IL31RA: variants seen among roughly 807,000 people sequenced by gnomAD.
IL31RA encodes the protein interleukin 31 receptor A.
Under a neutral mutation model 83.7 loss-of-function variants are expected in IL31RA, and 66 were observed. The ratio of observed to expected loss-of-function variants is 0.79; its 90% CI spans 0.65 to 0.97. IL31RA has a LOEUF of 0.97. Among genes scored for constraint, IL31RA ranks in the 50% least tolerant of loss-of-function variants. IL31RA has a pLI of 0.00. For synonymous variants in IL31RA, 325 were observed against 329.0 expected, an observed-to-expected ratio of 0.99 and a Z score of 0.13; for missense variants, 798 against 919.4, an observed-to-expected ratio of 0.87 and a Z score of 1.71.
chr5:55,866,267 G>C (rs537809702), intron 2 of IL31RA, among the ~76,000 whole-genome samples: 74 of 152,268 alleles, frequency 4.9e-4, no homozygotes, highest in Non-Finnish European at 9.0e-4. Flanking sequence ...CATAGAGTTG[G>C]TGCTTAGTGG....
chr5:55,901,703 C>A (rs1748827915), intron 8 of IL31RA, among the ~76,000 whole-genome samples: 1 of 151,906 alleles, frequency 6.6e-6, no homozygotes, highest in African/African-American at 2.4e-5. Context: ...ACAACCTCCA[C>A]CTCCTAGGTT....
chr5:55,869,037 T>C (rs548233394), intron 3 of IL31RA, 129 bp downstream of exon 3: 1 of 749,044 alleles, frequency 1.3e-6, no homozygotes, highest in Admixed American at 1.8e-5. Context: ...GATTACTGTG[T>C]GCAGCCAGTG....
Position 55,920,632 on chromosome 5 carries a change from G to A in IL31RA, c.*3512G>A, listed in dbSNP as rs1750045370. 6.6e-6 allele frequency among the ~76,000 whole-genome samples: 1 copy of A among 152,156 alleles called. No individual in the cohort carries two copies. Among genetic ancestry groups the A allele is most frequent in the Non-Finnish European group, 1.5e-5 (1 of 68,024 alleles). On this transcript the variant is annotated 3_prime_UTR_variant, in exon 15 of 15. Transcript: ENST00000652347. ...TGACCCTTTGCAGAAAAAATTTGTG[G>A]ACGCCTACCATAACCCACAGACATG...
rs1475587240 is a variant in IL31RA at position 55,921,219 on chromosome 5, C to G, written c.*4099C>G. The stretch of plus-strand genomic sequence containing the variant: ...CAGTAATCCCAAGAGTTTTAAATAG[C>G]AATTATTTGTCATGCTTAATTAACT... On this transcript the variant is annotated 3_prime_UTR_variant, in exon 15 of 15. Transcript: ENST00000652347. 1.3e-5 allele frequency among the ~76,000 whole-genome samples: 2 copies of G among 152,102 alleles called. No homozygotes were observed. The highest frequency in any genetic ancestry group is 1.5e-5 in the Non-Finnish European group (1 of 68,032).
At chr5:55,868,562 T>C (rs1398288230) in intron 2 of IL31RA, among the ~76,000 whole-genome samples, 4 of 152,176 alleles carry the variant, frequency 2.6e-5, no homozygotes, top group Non-Finnish European at 2.9e-5. Flanking sequence ...AGTAAGAATG[T>C]AAAAAGGGAT....
chr5:55,879,220 G>A lies in IL31RA; in HGVS notation c.455-3824G>A, dbSNP rs529600269. ...TCTGTTCTCTTTAGTTGGTAGAAGG[G>A]AAATAGGACCTGAGATGCCACCTTC... On this transcript the variant is annotated intron_variant, in intron 4 of 14. Transcript: ENST00000652347. 3.3e-5 allele frequency among the ~76,000 whole-genome samples: 5 copies of A among 152,068 alleles called. No homozygotes were observed. In the East Asian group the frequency reaches 9.7e-4, roughly 29 times the overall value.
At chr5:55,855,791 C>A (rs1745324271) in intron 1 of IL31RA, among the ~76,000 whole-genome samples, 1 of 152,218 alleles carries the variant, frequency 6.6e-6, no homozygotes. Flanking sequence ...GTGTTCCCAG[C>A]CACTGCTGGT....
At chr5:55,848,415 C>A (rs1238486079), upstream of IL31RA, among the ~76,000 whole-genome samples, 3 of 152,124 alleles carry the variant, frequency 2.0e-5, no homozygotes, top group Admixed American at 6.5e-5. Context: ...GCTGGAAGTT[C>A]TTTCAGATTG....
chr5:55,858,966 C>T (rs1227542241), intron 1 of IL31RA, among the ~76,000 whole-genome samples: 1 of 152,132 alleles, frequency 6.6e-6, no homozygotes, highest in Non-Finnish European at 1.5e-5. Flanking sequence ...TATAGTGGGG[C>T]ATGGGGCACA....
At chr5:55,913,669 G>A in intron 13 of IL31RA, 99 bp downstream of exon 13, 1 of 787,462 alleles carries the variant, frequency 1.3e-6, no homozygotes. Context: ...CTACCATTAA[G>A]GGGTGTTCAT....
intron 8 of IL31RA, 38 bp downstream of exon 8, chr5:55,900,170 C>T: frequency 6.9e-7 from 1 of 1,449,412 alleles, no homozygotes; most frequent in Non-Finnish European, 9.7e-7. Flanking sequence ...GGTGCCTGGT[C>T]CCATCAATTG....
chr5:55,852,632 G>A (rs1379447289), intron 1 of IL31RA, among the ~76,000 whole-genome samples: 1 of 152,130 alleles, frequency 6.6e-6, no homozygotes, highest in Non-Finnish European at 1.5e-5. Context: ...TTAAAACTTA[G>A]TTTTCTTTCC....
At chr5:55,841,082 A>G in the IL31RA span, among the ~76,000 whole-genome samples, 1 of 152,156 alleles carries the variant, frequency 6.6e-6, no homozygotes. Flanking sequence ...GGGGATGTAA[A>G]TGGTTGTCAG....
chr5:55,879,425 CTTTTTTTTTTT>C (rs869152529), intron 4 of IL31RA, among the ~76,000 whole-genome samples: 3 of 45,800 alleles, frequency 6.6e-5, no homozygotes, highest in Non-Finnish European at 1.1e-4. Flanking sequence ...AGTTTCTGTC[CTTTTTTTTTTT>C]TTTTTTTTTT....
At chr5:55,842,207 GTCTC>G in the IL31RA span, among the ~76,000 whole-genome samples, 2 of 152,146 alleles carry the variant, frequency 1.3e-5, no homozygotes, top group Non-Finnish European at 2.9e-5. Context: ...CTCTGTGTCT[GTCTC>G]TTCTGTTTCT....
chr5:55,863,969 C>T (rs1311846252), intron 2 of IL31RA, among the ~76,000 whole-genome samples: 2 of 151,878 alleles, frequency 1.3e-5, no homozygotes, highest in African/African-American at 4.8e-5. Flanking sequence ...TTTAGATCCA[C>T]AAGGATCTAT....
the IL31RA span, among the ~76,000 whole-genome samples, chr5:55,845,479 G>A: frequency 2.2e-5 from 3 of 138,388 alleles, no homozygotes; most frequent in Admixed American, 1.4e-4. Flanking sequence ...CCAAAATCTC[G>A]TCTTGAATTG....
the IL31RA span, among the ~76,000 whole-genome samples, chr5:55,842,163 T>G: frequency 1.3e-5 from 2 of 152,196 alleles, no homozygotes; most frequent in African/African-American, 4.8e-5. Context: ...ATCATGCCAA[T>G]CTCTACTTAG....
chr5:55,880,495 AAG>A (rs1747142128), intron 4 of IL31RA, among the ~76,000 whole-genome samples: 2 of 152,244 alleles, frequency 1.3e-5, no homozygotes, highest in South Asian at 2.1e-4. Context: ...AAATTAAAAA[AAG>A]AATTACAAAG....
Sources: gnomAD v4.1 joint callset for allele counts (sites outside exome capture counted in the v4.1 genomes callset) on GRCh38, gnomAD v4.1.1 for gene constraint, MANE v1.5 for transcripts, NCBI Gene and HGNC (gene_info 2026-07-23, HGNC 2026-07-21) for gene names.